The following CSMD3 variants were observed in gnomAD, a reference collection of about 807,000 sequenced individuals.
CSMD3 encodes CUB and Sushi multiple domains 3.
CSMD3 carries 177 observed loss-of-function variants against 435.2 expected under a neutral mutation model. The observed-to-expected ratio is 0.41, with a 90% CI of 0.36 to 0.46. CSMD3 has a LOEUF of 0.46. Ranked by LOEUF, CSMD3 falls within the 20% of genes least tolerant of loss-of-function variation. The probability of loss-of-function intolerance (pLI) is 0.34; values close to 1 mark genes in which losing one functional copy is unlikely to be tolerated. For synonymous variants in CSMD3, 1,656 were observed against 1,520.5 expected, an observed-to-expected ratio of 1.09 and a Z score of -2.07; for missense variants, 4,265 against 4,504.6, an observed-to-expected ratio of 0.95 and a Z score of 1.52.
In CSMD3 at chr8:113,429,438, CAA is replaced by C. The variant is rs560634997; in HGVS notation, c.178+7237_178+7238del. On this transcript the variant is annotated intron_variant, in intron 1 of 70. Coordinates refer to ENST00000297405, the MANE Select transcript of CSMD3 (RefSeq NM_198123.2). ...AAATTTGATGTTAAGTACTGCCCCT[CAA>C]TGCTCTTTTGAGACATGAAAAAGTC... Among the ~76,000 whole-genome samples the C allele has an allele frequency of 2.0e-4, 30 of 152,012 alleles. No homozygotes were observed. In the South Asian group the frequency reaches 5.4e-3, roughly 27 times the overall value.
intron 20 of CSMD3, among the ~76,000 whole-genome samples, chr8:112,639,565 TA>T (rs775047931): frequency 2.6e-5 from 4 of 152,168 alleles, no homozygotes; most frequent in Admixed American, 6.6e-5. Context: ...GCCTTCTTTA[TA>T]AAACTTTTCT....
chr8:112,534,407 A>G (rs1320725540), intron 27 of CSMD3, among the ~76,000 whole-genome samples: 1 of 150,984 alleles, frequency 6.6e-6, no homozygotes, highest in Non-Finnish European at 1.5e-5. Flanking sequence ...TAAATAAACT[A>G]GCAAATAAAC....
At chr8:112,334,839 G>C (rs1317419618) in intron 45 of CSMD3, among the ~76,000 whole-genome samples, 1 of 152,112 alleles carries the variant, frequency 6.6e-6, no homozygotes, top group Non-Finnish European at 1.5e-5. Flanking sequence ...TAATGATCTG[G>C]AATAGTCACT....
chr8:112,741,772 TGATAGATAGATAGATAGAGAGAA>T (rs1186859976), intron 13 of CSMD3, among the ~76,000 whole-genome samples: 1 of 133,818 alleles, frequency 7.5e-6, no homozygotes, highest in Non-Finnish European at 1.6e-5. Context: ...GATAGATAGA[TGATAGATAGATAGATAGAGAGAA>T]GATAGATAGA....
chr8:113,252,826 T>G (rs1263944757), intron 3 of CSMD3, among the ~76,000 whole-genome samples: 3 of 152,108 alleles, frequency 2.0e-5, no homozygotes, highest in Non-Finnish European at 2.9e-5. Context: ...AAGCCCAATA[T>G]CTGCATTTGA....
chr8:113,252,195 CA>C (rs1263231206), intron 3 of CSMD3, among the ~76,000 whole-genome samples: 3 of 152,072 alleles, frequency 2.0e-5, no homozygotes, highest in Non-Finnish European at 2.9e-5. Context: ...TCTCTCTCTA[CA>C]TGTCAAAATC....
chr8:112,937,717 G>C (rs1347471790), intron 9 of CSMD3, among the ~76,000 whole-genome samples: 1 of 151,954 alleles, frequency 6.6e-6, no homozygotes, highest in East Asian at 1.9e-4. Context: ...GAGAACAGTA[G>C]GATAAATAGT....
At chr8:112,236,612 T>G (rs1281265421) in intron 67 of CSMD3, among the ~76,000 whole-genome samples, 1 of 152,076 alleles carries the variant, frequency 6.6e-6, no homozygotes, top group Non-Finnish European at 1.5e-5. Context: ...GAGTATTGCT[T>G]GAGGAGGTGA....
chr8:113,235,720 A>C (rs1429837641), intron 3 of CSMD3, among the ~76,000 whole-genome samples: 1 of 152,122 alleles, frequency 6.6e-6, no homozygotes, highest in Non-Finnish European at 1.5e-5. Flanking sequence ...ATCTGCTGTC[A>C]AGGTAGGCAG....
intron 5 of CSMD3, among the ~76,000 whole-genome samples, chr8:113,051,922 G>C (rs1314189782): frequency 2.0e-5 from 3 of 152,158 alleles, no homozygotes; most frequent in African/African-American, 7.2e-5. Flanking sequence ...ATGTTTTCAA[G>C]ACTTCACTCA....
At chr8:112,273,741 A>G (rs2130502681) in intron 59 of CSMD3, among the ~76,000 whole-genome samples, 1 of 151,278 alleles carries the variant, frequency 6.6e-6, no homozygotes, top group East Asian at 2.0e-4. Flanking sequence ...AAAAAAAAAA[A>G]AATTGAGTTG....
intron 1 of CSMD3, among the ~76,000 whole-genome samples, chr8:113,329,556 A>G (rs573522231): frequency 6.6e-6 from 1 of 152,318 alleles, no homozygotes; most frequent in South Asian, 2.1e-4. Flanking sequence ...AGAAGATGCA[A>G]GAGGTGAGGA....
chr8:113,260,009 C>T (rs1025197894), intron 3 of CSMD3, among the ~76,000 whole-genome samples: 5 of 152,034 alleles, frequency 3.3e-5, no homozygotes, highest in East Asian at 1.9e-4. Context: ...CAGGGATTTC[C>T]TCCTTTACTC....
chr8:112,293,291 A>T (rs990926071), intron 54 of CSMD3, among the ~76,000 whole-genome samples: 2 of 152,092 alleles, frequency 1.3e-5, no homozygotes, highest in African/African-American at 2.4e-5. Flanking sequence ...CTTGTGCTTT[A>T]AAAAACAAAG....
intron 17 of CSMD3, 64 bp from the exon 18 acceptor site, chr8:112,656,405 T>A: frequency 1.6e-6 from 2 of 1,217,584 alleles, no homozygotes; most frequent in Non-Finnish European, 2.3e-6. Flanking sequence ...AAATAATGCT[T>A]TGGACTGCTA....
intron 16 of CSMD3, 66 bp from the exon 17 acceptor site, chr8:112,666,481 T>C: frequency 1.4e-6 from 2 of 1,423,314 alleles, no homozygotes; most frequent in Non-Finnish European, 2.0e-6. Flanking sequence ...TTATTCTTAA[T>C]ACAAACAATT....
chr8:112,242,446 C>T (rs894327765), intron 65 of CSMD3, among the ~76,000 whole-genome samples: 5 of 152,150 alleles, frequency 3.3e-5, no homozygotes, highest in African/African-American at 1.2e-4. Context: ...ACCAAGAAAA[C>T]TTTGGAAAGC....
intron 46 of CSMD3, among the ~76,000 whole-genome samples, chr8:112,319,695 C>T (rs1822808031): frequency 1.3e-5 from 2 of 152,108 alleles, no homozygotes; most frequent in South Asian, 4.1e-4. Context: ...TTGTACATTC[C>T]AGAAAAACAA....
chr8:113,245,507 A>G (rs2093267323), intron 3 of CSMD3, among the ~76,000 whole-genome samples: 1 of 152,020 alleles, frequency 6.6e-6, no homozygotes, highest in South Asian at 2.1e-4. Context: ...ATTTTCAGTA[A>G]TATATAAAAA....
Sources: gnomAD v4.1 joint callset for allele counts (sites outside exome capture counted in the v4.1 genomes callset) on GRCh38, gnomAD v4.1.1 for gene constraint, MANE v1.5 for transcripts, NCBI Gene and HGNC (gene_info 2026-07-23, HGNC 2026-07-21) for gene names.